The following GRM7 variants were observed in gnomAD, a reference collection of about 807,000 sequenced individuals.
GRM7 encodes glutamate metabotropic receptor 7, also known as metabotropic glutamate receptor 7.
A neutral mutation model predicts 84.5 loss-of-function variants in GRM7; 35 were observed. The observed-to-expected ratio is 0.41, with a 90% CI of 0.32 to 0.55. GRM7 has a LOEUF of 0.55. Ranked by LOEUF, GRM7 falls within the 20% of genes least tolerant of loss-of-function variation. The probability of loss-of-function intolerance (pLI) is 0.19; values close to 1 mark genes in which losing one functional copy is unlikely to be tolerated. For synonymous variants in GRM7, 487 were observed against 455.1 expected (o/e 1.07, Z -0.89); for missense variants, 1,003 against 1,194.6 (o/e 0.84, Z 2.36).
At chr3:6,897,605 G>T (rs905575934) in intron 1 of GRM7, among the ~76,000 whole-genome samples, 1 of 152,164 alleles carries the variant, frequency 6.6e-6, no homozygotes, top group African/African-American at 2.4e-5. Flanking sequence ...AACACAGTAC[G>T]TGTTCAATAA....
chr3:7,636,322 C>T (rs911377420), intron 8 of GRM7: 8 of 456,496 alleles, frequency 1.8e-5, no homozygotes, highest in Admixed American at 7.0e-5. Context: ...TTATCCTCCC[C>T]GACCGGACTA....
chr3:6,902,594 A>G (rs1479300350), intron 1 of GRM7, among the ~76,000 whole-genome samples: 2 of 152,170 alleles, frequency 1.3e-5, no homozygotes, highest in Admixed American at 1.3e-4. Flanking sequence ...CCTGTAGTCT[A>G]TTAATTACAA....
At chr3:7,520,448 A>C (rs763236290) in intron 7 of GRM7, among the ~76,000 whole-genome samples, 1 of 152,056 alleles carries the variant, frequency 6.6e-6, no homozygotes, top group African/African-American at 2.4e-5. Flanking sequence ...TGCATCATTT[A>C]ATTCTCCTAT....
intron 1 of GRM7, among the ~76,000 whole-genome samples, chr3:6,920,555 CAA>C (rs35421703): frequency 0.1 from 14,186 of 141,416 alleles, 726 homozygotes; most frequent in Non-Finnish European, 0.14. Context: ...GACTCCATGT[CAA>C]AAAAAAAAAA....
chr3:7,371,927 C>T (rs1315614910), intron 4 of GRM7, among the ~76,000 whole-genome samples: 4 of 152,004 alleles, frequency 2.6e-5, no homozygotes. Flanking sequence ...ACAGGGGACC[C>T]TAAAGATACA....
At chr3:7,547,814 C>G (rs566277843) in intron 7 of GRM7, among the ~76,000 whole-genome samples, 1 of 152,306 alleles carries the variant, frequency 6.6e-6, no homozygotes, top group South Asian at 2.1e-4. Flanking sequence ...AATAAATTCT[C>G]CCCTAATCTA....
intron 1 of GRM7, among the ~76,000 whole-genome samples, chr3:7,036,229 GAATC>G (rs1246195938): frequency 2.0e-5 from 3 of 152,162 alleles, no homozygotes; most frequent in Non-Finnish European, 2.9e-5. Flanking sequence ...GCTGATAAAT[GAATC>G]ATGGCCAATA....
intron 7 of GRM7, among the ~76,000 whole-genome samples, chr3:7,522,014 C>A (rs1168176236): frequency 6.6e-6 from 1 of 152,112 alleles, no homozygotes; most frequent in Non-Finnish European, 1.5e-5. Flanking sequence ...CTCCCTTGGG[C>A]TTTACCCTGG....
intron 9 of GRM7, among the ~76,000 whole-genome samples, chr3:7,726,551 C>A (rs562283267): frequency 7.1e-6 from 1 of 141,380 alleles, no homozygotes; most frequent in East Asian, 2.2e-4. Flanking sequence ...TGAGGACCAA[C>A]AATATGTAAT....
chr3:7,010,873 G>A (rs1198022578), intron 1 of GRM7, among the ~76,000 whole-genome samples: 1 of 152,260 alleles, frequency 6.6e-6, no homozygotes, highest in South Asian at 2.1e-4. Context: ...TGGGAAAAAA[G>A]CAAACAAATC....
Position 7,079,939 on chromosome 3 carries a change from C to G in GRM7, c.520-66513C>G, listed in dbSNP as rs539493436. Among the ~76,000 whole-genome samples, 6 of 152,224 alleles carry G rather than the reference C, an allele frequency of 3.9e-5. No homozygotes were observed. In the South Asian group the frequency reaches 1.2e-3, roughly 32 times the overall value. On this transcript the variant is annotated intron_variant, in intron 1 of 9. Transcript: ENST00000357716. The stretch of plus-strand genomic sequence containing the variant: ...TCATTTGTTTTTCTAGCTGGAAATT[C>G]TGATGCCAGAGTTTGCTTAATGAAT...
chr3:7,622,940 G>C (rs940117012), intron 8 of GRM7, among the ~76,000 whole-genome samples: 1 of 152,092 alleles, frequency 6.6e-6, no homozygotes, highest in Non-Finnish European at 1.5e-5. Context: ...GGGAAAGTGG[G>C]GGGTTGCAGG....
At chr3:7,716,231 C>T (rs578229727) in intron 9 of GRM7, among the ~76,000 whole-genome samples, 2 of 152,310 alleles carry the variant, frequency 1.3e-5, no homozygotes, top group East Asian at 3.9e-4. Context: ...GCTAATGGCA[C>T]ACAAGCTGTC....
chr3:7,180,726 T>C (rs1212553704), intron 2 of GRM7, among the ~76,000 whole-genome samples: 1 of 152,196 alleles, frequency 6.6e-6, no homozygotes, highest in Non-Finnish European at 1.5e-5. Context: ...CCCTAAATCT[T>C]GTCTCTATGC....
At chr3:6,901,588 A>G (rs1309541433) in intron 1 of GRM7, among the ~76,000 whole-genome samples, 1 of 136,564 alleles carries the variant, frequency 7.3e-6, no homozygotes, top group Non-Finnish European at 1.5e-5. Flanking sequence ...GCCTGGTGAC[A>G]GAGCAAGACT....
chr3:7,272,275 T>G (rs1698894497), intron 2 of GRM7, among the ~76,000 whole-genome samples: 1 of 152,184 alleles, frequency 6.6e-6, no homozygotes. Context: ...TAAAAGAATA[T>G]GCATGCTCAT....
intron 4 of GRM7, among the ~76,000 whole-genome samples, chr3:7,376,334 T>C (rs890080197): frequency 6.6e-6 from 1 of 152,176 alleles, no homozygotes; most frequent in Non-Finnish European, 1.5e-5. Flanking sequence ...TCCACTCTTA[T>C]AGATGCTATA....
At chr3:7,633,822 T>C (rs2125098631) in intron 8 of GRM7, among the ~76,000 whole-genome samples, 1 of 152,338 alleles carries the variant, frequency 6.6e-6, no homozygotes, top group East Asian at 1.9e-4. Context: ...TCTTTTAATT[T>C]TTTTCTTCTT....
At chr3:7,456,450 CTT>C (rs36031229) in intron 6 of GRM7, among the ~76,000 whole-genome samples, 1 of 146,540 alleles carries the variant, frequency 6.8e-6, no homozygotes, top group Non-Finnish European at 1.5e-5. Context: ...TTTTTTTTTC[CTT>C]TTTTTTTTTA....
Sources: allele counts gnomAD v4.1 joint callset (sites outside exome capture counted in the v4.1 genomes callset), GRCh38; gene constraint gnomAD v4.1.1; transcripts MANE v1.5; gene names NCBI Gene and HGNC (gene_info 2026-07-23, HGNC 2026-07-21).